The following BAZ2A variants were observed in gnomAD, a reference collection of about 807,000 sequenced individuals.
The protein encoded by BAZ2A is bromodomain adjacent to zinc finger domain 2A, also known as bromodomain adjacent to zinc finger domain protein 2A.
BAZ2A carries 34 observed loss-of-function variants against 199.9 expected under a neutral mutation model. The ratio of observed to expected loss-of-function variants is 0.17; its 90% CI spans 0.13 to 0.23. BAZ2A has a LOEUF of 0.23. BAZ2A is among the 10% of genes least tolerant of loss of function. The probability of loss-of-function intolerance (pLI) is 1.00; values close to 1 mark genes in which losing one functional copy is unlikely to be tolerated. For synonymous variants in BAZ2A, 857 were observed against 883.9 expected (o/e 0.97, Z 0.54); for missense variants, 2,002 against 2,391.1 (o/e 0.84, Z 3.39).
In BAZ2A at chr12:56,598,589, C is replaced by G. The variant is rs1472153945; in HGVS notation, c.*29G>C. 1 of 1,605,224 alleles carries G rather than the reference C, an allele frequency of 6.2e-7. No individual in the cohort carries two copies. The highest frequency in any genetic ancestry group is 8.5e-7 in the Non-Finnish European group (1 of 1,176,380). ...TTTGTTTGGAAGGTGGGGGGAGATG[C>G]CACAAGGTGACTCCCCACCTCCCTT... On this transcript the variant is annotated 3_prime_UTR_variant, in exon 29 of 29. Coordinates refer to ENST00000549884, the MANE Select transcript of BAZ2A (RefSeq NM_001300905.2).
Position 56,605,901 on chromosome 12 carries a change from G to A in BAZ2A, c.2422C>T (p.Arg808Trp), listed in dbSNP as rs750172031. The A allele has an allele frequency of 3.8e-5, 60 of 1,589,700 alleles. No homozygotes were observed. The highest frequency in any genetic ancestry group is 3.7e-4 in the South Asian group (32 of 87,324). The part of the protein sequence containing the change: ...TLATQRRLEE[R>W]QRQQMILEEM... ...TCCAAGATCATCTGCTGCCTCTGCC[G>A]TTCCTCCAAGCGCCTCTGTGTGGCC... The change falls in exon 13 of 29, where the codon CGG becomes TGG. Residue 808 changes from arginine (R) to tryptophan (W), a missense_variant. Arg to Trp is a moderately radical substitution (Grantham distance 101, BLOSUM62 -3). Around this residue, in one of 6 missense-constraint regions of BAZ2A, gnomAD observed 1,081 missense variants for 1,274.7 expected, o/e 0.85. Coordinates refer to ENST00000549884, the MANE Select transcript of BAZ2A (RefSeq NM_001300905.2).
At chr12:56,609,124 C>T (rs1045979470) in intron 10 of BAZ2A, among the ~76,000 whole-genome samples, 17 of 151,982 alleles carry the variant, frequency 1.1e-4, no homozygotes, top group Admixed American at 7.2e-4. Flanking sequence ...ACGATCCGCC[C>T]GCCTTGGCCT....
intron 4 of BAZ2A, among the ~76,000 whole-genome samples, chr12:56,613,592 G>A (rs879233631): frequency 1.3e-5 from 2 of 152,190 alleles, no homozygotes; most frequent in Admixed American, 1.3e-4. Flanking sequence ...CATAAAATAT[G>A]TCTTTCTTGT....
At chr12:56,605,693 A>G in intron 13 of BAZ2A, 137 bp downstream of exon 13, 1 of 1,000,604 alleles carries the variant, frequency 1.0e-6, no homozygotes, top group Non-Finnish European at 1.4e-6. Context: ...AAGTGCTGGG[A>G]TTACAGTGTG....
At chr12:56,602,349 A>G (rs1045442960) in intron 19 of BAZ2A, among the ~76,000 whole-genome samples, 157 bp from the exon 20 acceptor site, 2 of 152,240 alleles carry the variant, frequency 1.3e-5, no homozygotes, top group Non-Finnish European at 1.5e-5. Context: ...TGAACACAGT[A>G]TCTGGGGAAG....
rs766580768 is a variant in BAZ2A, at chr12:56,615,135, G to C, written c.609C>G (p.Pro203=). 1 of 1,613,738 alleles carries C rather than the reference G, an allele frequency of 6.2e-7. No homozygotes were observed. Among genetic ancestry groups the C allele is most frequent in the South Asian group, 1.1e-5 (1 of 91,014 alleles). The part of the protein sequence containing the change: ...MLGSSIQTFA[P]SQEVGSGIHP... ...GGATACCACTGCCTACCTCCTGGGA[G>C]GGTGCAAAGGTTTGAATGCTAGATC... Residue 203 remains proline (P), a synonymous_variant, in exon 3 of 29, where the codon CCC becomes CCG. Transcript: ENST00000549884.
chr12:56,614,965 C>T, intron 3 of BAZ2A, 49 bp downstream of exon 3: 6 of 1,536,200 alleles, frequency 3.9e-6, no homozygotes, highest in Non-Finnish European at 4.4e-6. Flanking sequence ...ACTATCCCCC[C>T]CGAGCTCCAT....
upstream of BAZ2A, among the ~76,000 whole-genome samples, chr12:56,633,209 G>C (rs954735856): frequency 6.6e-6 from 1 of 152,124 alleles, no homozygotes; most frequent in Non-Finnish European, 1.5e-5. Flanking sequence ...CACAGTGCCT[G>C]GCTCCACTCT....
Position 56,630,212 on chromosome 12 carries a change from G to C in BAZ2A, c.-90C>G. On this transcript the variant is annotated 5_prime_UTR_variant, in exon 1 of 29. Coordinates refer to ENST00000549884, the MANE Select transcript of BAZ2A (RefSeq NM_001300905.2). ...ATGGCCGCGCTCCGGGCGCCAGAAC[G>C]GGTGGAGACGCCCGCTGGGGAGGGG... is the stretch of plus-strand genomic sequence containing the variant. The C allele has an allele frequency of 1.0e-6, 1 of 985,510 alleles. No homozygotes were observed. Among genetic ancestry groups the C allele is most frequent in the Non-Finnish European group, 1.2e-6 (1 of 829,950 alleles). 61.0% of individuals were successfully genotyped at this position (985,510 alleles called of 1,614,324 possible).
At chr12:56,635,025 C>T (rs937886865), upstream of BAZ2A, 5 of 984,136 alleles carry the variant, frequency 5.1e-6, no homozygotes, top group African/African-American at 5.3e-5. The surrounding 1 kb of genome is among the most constrained non-coding windows in gnomAD (Gnocchi z 4.1). Context: ...TGCGCCTCCT[C>T]CCCCAGCCCT....
chr12:56,622,656 G>C (rs1254829753), intron 1 of BAZ2A, among the ~76,000 whole-genome samples: 1 of 152,134 alleles, frequency 6.6e-6, no homozygotes, highest in Admixed American at 6.5e-5. Flanking sequence ...ATCTCCCTTT[G>C]AACTAATAGG....
Position 56,600,272 on chromosome 12 carries a change from A to G in BAZ2A, c.4821T>C (p.Thr1607=), listed in dbSNP as rs776083142. 22 of 1,613,800 alleles carry G rather than the reference A, an allele frequency of 1.4e-5. No individual in the cohort carries two copies. Among genetic ancestry groups the G allele is most frequent in the Non-Finnish European group, 1.9e-5 (22 of 1,179,878 alleles). ...GGGCCTTCTCCAGCACAACCTCATG[A>G]GTTGGCCAGAGGGGCTCCCGCAGGT... ...RRYLREPLWP[T]HEVVLEKALL... Residue 1607 remains threonine (T), a synonymous_variant, in exon 24 of 29, where the codon ACT becomes ACC. Transcript: ENST00000549884.
chr12:56,630,016 C>G (rs1369855019), intron 1 of BAZ2A, 109 bp downstream of exon 1: 8 of 824,012 alleles, frequency 9.7e-6, no homozygotes, highest in Non-Finnish European at 1.2e-5. Context: ...GTCGGCTTCC[C>G]GCCCCGGCAA....
chr12:56,625,888 A>C (rs1029482447), intron 1 of BAZ2A, among the ~76,000 whole-genome samples: 1 of 151,504 alleles, frequency 6.6e-6, no homozygotes, highest in East Asian at 1.9e-4. Flanking sequence ...AAAAAAAAAA[A>C]AAAAAAAAAC....
At position 56,602,056 on chromosome 12, in the gene BAZ2A, T is replaced by C; in HGVS notation, c.3561A>G (p.Arg1187=). The C allele has an allele frequency of 6.4e-7, 1 of 1,560,050 alleles. No individual in the cohort carries two copies. Among genetic ancestry groups the C allele is most frequent in the Non-Finnish European group, 8.7e-7 (1 of 1,151,588 alleles). Residue 1187 remains arginine (R), a synonymous_variant, in exon 20 of 29, where the codon CGA becomes CGG. Transcript: ENST00000549884. The part of the protein sequence containing the change: ...NTTASSPARA[R]GRPRKTKPGS... The stretch of plus-strand genomic sequence containing the variant: ...CGGGCTTAGTTTTTCGAGGTCGGCC[T>C]CGGGCCCGGGCAGGAGAACTGGCAG...
upstream of BAZ2A, among the ~76,000 whole-genome samples, chr12:56,633,491 A>G (rs2137482091): frequency 6.6e-6 from 1 of 152,096 alleles, no homozygotes; most frequent in Middle Eastern, 3.4e-3. Flanking sequence ...GTGGAGGGGG[A>G]ATTCTCTAAT....
intron 10 of BAZ2A, 128 bp from the exon 11 acceptor site, chr12:56,606,861 T>C (rs925106732): frequency 2.5e-5 from 18 of 728,136 alleles, no homozygotes; most frequent in Non-Finnish European, 4.2e-5. Flanking sequence ...AGTAGCTTTT[T>C]TTTTTTTTAA....
In BAZ2A at chr12:56,596,755, C is replaced by G. The variant is rs1227532590; in HGVS notation, c.*1863G>C. 4 of 152,462 alleles carry G rather than the reference C, an allele frequency of 2.6e-5. No homozygotes were observed. The highest frequency in any genetic ancestry group is 5.9e-5 in the Non-Finnish European group (4 of 68,008). 9.4% of individuals were successfully genotyped at this position (152,462 alleles called of 1,614,324 possible). ...AAAGTCAATTCAAATATTCTTCAAT[C>G]CACCTCTTAAAAGCAAAAAAAAATC... On this transcript the variant is annotated 3_prime_UTR_variant, in exon 29 of 29. Coordinates refer to ENST00000549884, the MANE Select transcript of BAZ2A (RefSeq NM_001300905.2).
In BAZ2A at chr12:56,601,709, G is replaced by C; in HGVS notation, c.3908C>G (p.Pro1303Arg). 3 of 1,613,978 alleles carry C rather than the reference G, an allele frequency of 1.9e-6. No homozygotes were observed. The highest frequency in any genetic ancestry group is 2.5e-6 in the Non-Finnish European group (3 of 1,179,884). The change falls in exon 20 of 29, where the codon CCG (proline) becomes CGG (arginine). Residue 1303 changes from proline (P) to arginine (R), a missense_variant. Coordinates refer to ENST00000549884, the MANE Select transcript of BAZ2A (RefSeq NM_001300905.2). The part of the protein sequence containing the change: ...GKLDPAPSQP[P>R]EEPEPDEAES... Reference sequence around the variant, plus strand: ...TGCCTCATCAGGCTCTGGCTCCTCCGGGGGTTGTGATGGAGCTGGGTCTAG... The same window carrying C: ...TGCCTCATCAGGCTCTGGCTCCTCCCGGGGTTGTGATGGAGCTGGGTCTAG...
Sources: allele counts gnomAD v4.1 joint callset (sites outside exome capture counted in the v4.1 genomes callset), GRCh38; gene constraint gnomAD v4.1.1; regional missense constraint gnomAD v4.1.1; non-coding constraint Gnocchi (gnomAD v3.1); transcripts MANE v1.5; gene names NCBI Gene and HGNC (gene_info 2026-07-23, HGNC 2026-07-21).